Variants in ZNF829 observed in about 807,000 individuals in gnomAD.
ZNF829 encodes the protein zinc finger protein 829.
ZNF829 carries 25 observed loss-of-function variants against 35.2 expected under a neutral mutation model. That is an observed-to-expected ratio of 0.71 (90% CI 0.52 to 0.99). The LOEUF is 0.99. Among genes scored for constraint, ZNF829 ranks in the 50% least tolerant of loss-of-function variants. The pLI, the probability that ZNF829 is intolerant of heterozygous loss-of-function variation, is 0.00. For synonymous variants in ZNF829, 136 were observed against 163.2 expected (o/e 0.83, Z 1.27); for missense variants, 417 against 515.3 (o/e 0.81, Z 1.85).
At chr19:36,907,703 G>A (rs1002057778) in intron 5 of ZNF829, 51 of 411,340 alleles carry the variant, frequency 1.2e-4, no homozygotes, top group African/African-American at 8.6e-4. Flanking sequence ...TAAACGTAGC[G>A]TATCATAGGA....
intron 3 of ZNF829, among the ~76,000 whole-genome samples, chr19:36,913,236 T>G (rs2073278948): frequency 6.6e-6 from 1 of 152,224 alleles, no homozygotes; most frequent in African/African-American, 2.4e-5. Flanking sequence ...ATTCTTATCC[T>G]GATTTTCTCT....
chr19:36,915,391 AAC>A (rs1304521401), intron 1 of ZNF829, 140 bp from the exon 2 acceptor site: 16 of 1,007,876 alleles, frequency 1.6e-5, no homozygotes, highest in Admixed American at 2.8e-5. Context: ...CACACACGGC[AAC>A]ACAGTTACAA....
chr19:36,891,737 A>T lies in ZNF829; in HGVS notation c.1054T>A (p.Tyr352Asn), dbSNP rs1024427937. 6.2e-7 allele frequency: 1 copy of T among 1,614,160 alleles called. No individual in the cohort carries two copies. Among genetic ancestry groups the T allele is most frequent in the Admixed American group, 1.7e-5 (1 of 60,026 alleles). Residue 352 changes from tyrosine (Y) to asparagine (N), a missense_variant, in exon 6 of 6, where the codon TAT becomes AAT. Coordinates refer to ENST00000391711, the MANE Select transcript of ZNF829 (RefSeq NM_001037232.4). ...GCCTTTCTACATTCTTCACATTCAT[A>T]GAGCTTCTCACCAGCATGAATTCTG... The part of the protein sequence containing the change: ...HHRIHAGEKL[Y>N]ECEECRKAFI...
rs183033179 is a variant in ZNF829, at chr19:36,902,933, A to G, written c.319+4996T>C. On this transcript the variant is annotated intron_variant, in intron 5 of 5. Transcript: ENST00000391711. ...CGCCTGTAATCCCAGCTACTTGGGA[A>G]GCTGAGGCAGGAGAATCGCTTGAAC... 5.0e-3 allele frequency among the ~76,000 whole-genome samples: 758 copies of G among 151,868 alleles called. 6 individuals carry two copies. Among genetic ancestry groups the G allele is most frequent in the African/African-American group, 0.016 (674 of 41,458 alleles).
intron 5 of ZNF829, chr19:36,902,169 G>C: frequency 5.9e-6 from 1 of 168,920 alleles, no homozygotes; most frequent in Non-Finnish European, 1.2e-5. Context: ...AAAAAAAAAA[G>C]AAAAAAAAAA....
rs887700604 is a variant in ZNF829, at chr19:36,914,587, A to G, written c.96+378T>C. ...TTTGTATATCATAGTTTTTGCAAAC[A>G]TCAAAAATGTATTTCCCAAGACCAT... On this transcript the variant is annotated intron_variant, in intron 3 of 5. Coordinates refer to ENST00000391711, the MANE Select transcript of ZNF829 (RefSeq NM_001037232.4). Among the ~76,000 whole-genome samples, 29 of 152,228 alleles carry G rather than the reference A, an allele frequency of 1.9e-4. 1 individual carries two copies. Among genetic ancestry groups the G allele is most frequent in the Non-Finnish European group, 4.0e-4 (27 of 68,040 alleles).
chr19:36,915,249 T>G lies in ZNF829; in HGVS notation c.-82A>C, dbSNP rs1449268907. 9 of 1,611,024 alleles carry G rather than the reference T, an allele frequency of 5.6e-6. No homozygotes were observed. Among genetic ancestry groups the G allele is most frequent in the Non-Finnish European group, 7.6e-6 (9 of 1,178,720 alleles). ...GAATCTGACCAGACCTCAGAGAGGT[T>G]TCCTAGAGACAGAGTTCTGGAGTCA... On this transcript the variant is annotated splice_region_variant and 5_prime_UTR_variant, in exon 2 of 6. Coordinates refer to ENST00000391711, the MANE Select transcript of ZNF829 (RefSeq NM_001037232.4).
At position 36,891,608 on chromosome 19, in the gene ZNF829, G is replaced by C; in HGVS notation, c.1183C>G (p.Leu395Val). The change falls in exon 6 of 6, where the codon CTT becomes GTT. Residue 395 changes from leucine to valine, a missense_variant. Physicochemically the swap from Leu to Val is conservative, Grantham distance 32. Transcript: ENST00000391711. ...CGKAFNKGSN[L>V]TRHQRIHTGE... ...GTGTGAATTCTCTGATGTCGAGTAA[G>C]ATTTGAGCCTTTATTAAAGGCCTTC... is the stretch of plus-strand genomic sequence containing the variant. The C allele has an allele frequency of 1.9e-6, 3 of 1,612,930 alleles. No individual in the cohort carries two copies. Among genetic ancestry groups the C allele is most frequent in the Non-Finnish European group, 2.5e-6 (3 of 1,179,598 alleles).
Position 36,908,207 on chromosome 19 carries a change from C to T in ZNF829, c.223+126G>A, listed in dbSNP as rs2073234828. 15 of 1,396,164 alleles carry T rather than the reference C, an allele frequency of 1.1e-5. No individual in the cohort carries two copies. The South Asian group carries it at 2.1e-4, about 20-fold the overall frequency. 86.5% of individuals were successfully genotyped at this position (1,396,164 alleles called of 1,614,324 possible). On this transcript the variant is annotated intron_variant, in intron 4 of 5. Coordinates refer to ENST00000391711, the MANE Select transcript of ZNF829 (RefSeq NM_001037232.4). Reference sequence around the variant, plus strand: ...TTCCAACTCTTCCATTCTATTTTAACTCAAACCATTCCTTAGGGAACAGGG... The same window carrying T: ...TTCCAACTCTTCCATTCTATTTTAATTCAAACCATTCCTTAGGGAACAGGG...
chr19:36,915,682 C>G, intron 1 of ZNF829: 1 of 644,742 alleles, frequency 1.6e-6, no homozygotes, highest in Non-Finnish European at 2.7e-6. Flanking sequence ...ACTGCAACCT[C>G]CGCCTCCCGG....
chr19:36,912,083 T>C (rs1392556005), intron 3 of ZNF829, among the ~76,000 whole-genome samples: 2 of 152,202 alleles, frequency 1.3e-5, no homozygotes, highest in Non-Finnish European at 2.9e-5. Context: ...TCTAATCTCA[T>C]AGGATCCAGA....
intron 5 of ZNF829, among the ~76,000 whole-genome samples, chr19:36,902,398 G>A (rs1382382342): frequency 1.3e-5 from 2 of 152,046 alleles, no homozygotes; most frequent in African/African-American, 4.8e-5. Context: ...ACTTTGGGAG[G>A]CAAAGGCAGG....
At chr19:36,902,586 T>C (rs1283338499) in intron 5 of ZNF829, among the ~76,000 whole-genome samples, 2 of 151,594 alleles carry the variant, frequency 1.3e-5, no homozygotes, top group Admixed American at 6.6e-5. Flanking sequence ...GTGGAGGTTG[T>C]AGTGAGCCAA....
intron 3 of ZNF829, among the ~76,000 whole-genome samples, chr19:36,911,565 A>G (rs2073264901): frequency 6.6e-6 from 1 of 152,076 alleles, no homozygotes; most frequent in Non-Finnish European, 1.5e-5. Flanking sequence ...ATTCAGTTAA[A>G]CTATAGGACA....
At chr19:36,896,314 A>T (rs1300453548) in intron 5 of ZNF829, among the ~76,000 whole-genome samples, 3 of 151,514 alleles carry the variant, frequency 2.0e-5, no homozygotes, top group Non-Finnish European at 2.9e-5. Context: ...GTCAAAAAAA[A>T]AAAAAGAAAG....
chr19:36,895,477 TA>T (rs2073103687), intron 5 of ZNF829, among the ~76,000 whole-genome samples: 1 of 151,912 alleles, frequency 6.6e-6, no homozygotes, highest in Non-Finnish European at 1.5e-5. Context: ...AAAACAACCA[TA>T]AAAAATTAAC....
In ZNF829 at chr19:36,891,821, A is replaced by G; in HGVS notation, c.970T>C (p.Tyr324His). The G allele has an allele frequency of 6.2e-7, 1 of 1,614,134 alleles. No homozygotes were observed. Among genetic ancestry groups the G allele is most frequent in the Non-Finnish European group, 8.5e-7 (1 of 1,180,014 alleles). ...HQRMHTGEKP[Y>H]ECKQCGKAFN... Reference sequence around the variant, plus strand: ...GCCTTCCCACACTGCTTACATTCATAAGGTTTCTCACCAGTATGCATTCTC... The same window carrying G: ...GCCTTCCCACACTGCTTACATTCATGAGGTTTCTCACCAGTATGCATTCTC... The change falls in exon 6 of 6, where the codon TAT (tyrosine) becomes CAT (histidine). Residue 324 changes from tyrosine to histidine, a missense_variant. Coordinates refer to ENST00000391711, the MANE Select transcript of ZNF829 (RefSeq NM_001037232.4).
chr19:36,893,557 G>T (rs1254131982), intron 5 of ZNF829, among the ~76,000 whole-genome samples: 2 of 151,984 alleles, frequency 1.3e-5, no homozygotes, highest in Admixed American at 1.3e-4. Flanking sequence ...AAAAGATGAG[G>T]AATAACGTAT....
intron 5 of ZNF829, among the ~76,000 whole-genome samples, chr19:36,899,145 A>G (rs1424614587): frequency 1.3e-5 from 2 of 152,188 alleles, no homozygotes; most frequent in Admixed American, 1.3e-4. Context: ...CAAGGAAGCA[A>G]AAAAACTTAA....
Sources: gnomAD v4.1 joint callset for allele counts (sites outside exome capture counted in the v4.1 genomes callset) on GRCh38, gnomAD v4.1.1 for gene constraint, MANE v1.5 for transcripts, NCBI Gene and HGNC (gene_info 2026-07-23, HGNC 2026-07-21) for gene names.